Variants in MAK observed in about 807,000 individuals in gnomAD.
MAK encodes male germ cell associated kinase, also known as serine/threonine-protein kinase MAK.
MAK carries 65 observed loss-of-function variants against 82.6 expected under a neutral mutation model. The ratio of observed to expected loss-of-function variants is 0.79; its 90% CI spans 0.64 to 0.97. The LOEUF (loss-of-function observed/expected upper bound fraction) is 0.97, where lower values mean the gene tolerates loss of function less well. Ranked by LOEUF, MAK falls within the 50% of genes least tolerant of loss-of-function variation. The pLI is 0.00. For missense variants in MAK, 703 were observed against 780.2 expected, an observed-to-expected ratio of 0.90 and a Z score of 1.18; for synonymous variants, 250 against 274.2, an observed-to-expected ratio of 0.91 and a Z score of 0.87.
At chr6:10,767,805 A>AC in intron 14 of MAK, among the ~76,000 whole-genome samples, 1 of 150,812 alleles carries the variant, frequency 6.6e-6, no homozygotes, top group Non-Finnish European at 1.5e-5. Flanking sequence ...AAAAAAAAAA[A>AC]AAAAAACAAA....
intron 5 of MAK, among the ~76,000 whole-genome samples, chr6:10,810,030 G>A (rs535955068): frequency 1.3e-4 from 19 of 151,104 alleles, no homozygotes; most frequent in African/African-American, 4.1e-4. Context: ...CCTGGGAGGC[G>A]GAGGTTGCAG....
chr6:10,807,610 G>C (rs1038258473), intron 6 of MAK, among the ~76,000 whole-genome samples: 4 of 151,732 alleles, frequency 2.6e-5, no homozygotes, highest in Non-Finnish European at 5.9e-5. Flanking sequence ...AAAGTGCTGG[G>C]ATTACAGGCG....
chr6:10,835,027 C>A (rs1225479206), intron 1 of MAK, among the ~76,000 whole-genome samples: 1 of 152,214 alleles, frequency 6.6e-6, no homozygotes, highest in Non-Finnish European at 1.5e-5. Context: ...AGTTAACACA[C>A]TTGTGGGTAA....
intron 1 of MAK, among the ~76,000 whole-genome samples, chr6:10,832,681 T>C (rs908247252): frequency 6.6e-6 from 1 of 152,178 alleles, no homozygotes; most frequent in African/African-American, 2.4e-5. Flanking sequence ...GTAATTTTAG[T>C]AGAAACAGGG....
intron 5 of MAK, among the ~76,000 whole-genome samples, chr6:10,810,620 T>C (rs1230435672): frequency 6.6e-6 from 1 of 152,198 alleles, no homozygotes; most frequent in South Asian, 2.1e-4. Context: ...ATTACAGGTG[T>C]GAGCCACCAC....
At chr6:10,791,964 T>A in intron 9 of MAK, 117 bp from the exon 10 acceptor site, 1 of 1,095,258 alleles carries the variant, frequency 9.1e-7, no homozygotes, top group Non-Finnish European at 1.4e-6. Context: ...GTTCCATACA[T>A]GTAAGGGCAT....
chr6:10,792,509 A>G (rs1378634327), intron 9 of MAK, among the ~76,000 whole-genome samples: 1 of 152,198 alleles, frequency 6.6e-6, no homozygotes, highest in Non-Finnish European at 1.5e-5. Flanking sequence ...GGAAACAGAG[A>G]GGGAAGTATG....
intron 1 of MAK, among the ~76,000 whole-genome samples, chr6:10,832,307 G>A (rs182242243): frequency 5.3e-5 from 8 of 152,378 alleles, no homozygotes; most frequent in Admixed American, 4.6e-4. Context: ...AAACTGAGTT[G>A]ACAAAGCAGT....
At chr6:10,792,436 A>G (rs1020467103) in intron 9 of MAK, among the ~76,000 whole-genome samples, 1 of 152,296 alleles carries the variant, frequency 6.6e-6, no homozygotes, top group East Asian at 1.9e-4. Context: ...GAGAACAACA[A>G]TCCCTATTGT....
At chr6:10,767,782 C>T (rs575648909) in intron 14 of MAK, among the ~76,000 whole-genome samples, 12 of 136,802 alleles carry the variant, frequency 8.8e-5, no homozygotes, top group Middle Eastern at 3.9e-3. Context: ...CAGAGCGAGA[C>T]TTTGTCTCAA....
chr6:10,785,898 A>G (rs1337491255), intron 10 of MAK, among the ~76,000 whole-genome samples: 1 of 152,258 alleles, frequency 6.6e-6, no homozygotes, highest in Non-Finnish European at 1.5e-5. Context: ...TCTACTGAAT[A>G]TAAATACAAG....
At chr6:10,792,280 C>T (rs529689090) in intron 9 of MAK, among the ~76,000 whole-genome samples, 15 of 152,272 alleles carry the variant, frequency 9.9e-5, no homozygotes, top group South Asian at 2.1e-4. Flanking sequence ...AATGCAGACA[C>T]GACATCCAAA....
chr6:10,778,252 TGAGAAGG>T (rs1196191085), intron 11 of MAK, among the ~76,000 whole-genome samples: 4 of 152,122 alleles, frequency 2.6e-5, no homozygotes, highest in African/African-American at 9.7e-5. Flanking sequence ...TAGAATCTAA[TGAGAAGG>T]GAGACAGTTT....
intron 11 of MAK, 91 bp from the exon 12 acceptor site, chr6:10,775,550 C>T (rs554623588): frequency 2.3e-4 from 311 of 1,353,446 alleles, no homozygotes; most frequent in Non-Finnish European, 3.1e-4. Flanking sequence ...AGACTAGAGA[C>T]ACCTTGGACA....
intron 14 of MAK, among the ~76,000 whole-genome samples, chr6:10,765,440 A>ATTTTTTTTTTTTTTTTTTTTTTTTTTT (rs200536068): frequency 7.7e-6 from 1 of 130,620 alleles, no homozygotes; most frequent in African/African-American, 3.3e-5. Flanking sequence ...TAGAATGAAG[A>ATTTTTTTTTTTTTTTTTTTTTTTTTTT]TTTTTTTTTT....
intron 11 of MAK, 60 bp from the exon 12 acceptor site, chr6:10,775,519 T>C: frequency 6.4e-7 from 1 of 1,569,132 alleles, no homozygotes; most frequent in Non-Finnish European, 8.7e-7. Context: ...TAAAGGAAAC[T>C]TATGTAATAC....
chr6:10,773,596 ATT>A (rs925703280), intron 12 of MAK, among the ~76,000 whole-genome samples: 1 of 152,128 alleles, frequency 6.6e-6, no homozygotes, highest in Non-Finnish European at 1.5e-5. Context: ...TTAAGTTGAT[ATT>A]TAAAATTTTT....
chr6:10,783,638 C>T (rs899923401), intron 11 of MAK, among the ~76,000 whole-genome samples: 3 of 152,176 alleles, frequency 2.0e-5, no homozygotes, highest in Non-Finnish European at 4.4e-5. Flanking sequence ...CCACCCCATC[C>T]GGACATAAGC....
In MAK at chr6:10,786,208, G is replaced by A. The variant is rs868044112; in HGVS notation, c.1317-1636C>T. On this transcript the variant is annotated intron_variant, in intron 10 of 14. Coordinates refer to ENST00000354489, the MANE Select transcript of MAK (RefSeq NM_001242957.3). ...TGCAGTGAGCCAAGATCGCACCACT[G>A]CACTCAGCCTGGGCGACAAGAGCAA... 9.2e-5 allele frequency among the ~76,000 whole-genome samples: 14 copies of A among 152,308 alleles called. No individual in the cohort carries two copies. The South Asian group carries it at 1.7e-3, about 18-fold the overall frequency.
Sources: gnomAD v4.1 joint callset for allele counts (sites outside exome capture counted in the v4.1 genomes callset) on GRCh38, gnomAD v4.1.1 for gene constraint, MANE v1.5 for transcripts, NCBI Gene and HGNC (gene_info 2026-07-23, HGNC 2026-07-21) for gene names.